The following GPC6 variants were observed in gnomAD, a reference collection of about 807,000 sequenced individuals.
The protein encoded by GPC6 is glypican-6.
A neutral mutation model predicts 55.2 loss-of-function variants in GPC6; 14 were observed. That is an observed-to-expected ratio of 0.25 (90% confidence interval 0.17 to 0.40). The LOEUF (loss-of-function observed/expected upper bound fraction) is 0.40, where lower values mean the gene tolerates loss of function less well. Among genes scored for constraint, GPC6 ranks in the 10% least tolerant of loss-of-function variants. The pLI is 1.00. For synonymous variants in GPC6, 278 were observed against 259.6 expected (o/e 1.07, Z -0.68); for missense variants, 641 against 708.5 (o/e 0.90, Z 1.08).
intron 5 of GPC6, among the ~76,000 whole-genome samples, chr13:94,299,050 T>C (rs906731423): frequency 6.6e-6 from 1 of 152,184 alleles, no homozygotes; most frequent in African/African-American, 2.4e-5. Flanking sequence ...TAATCTTTCA[T>C]TCTCAATTTT....
chr13:93,302,293 G>A (rs920491170), intron 1 of GPC6, among the ~76,000 whole-genome samples: 1 of 152,110 alleles, frequency 6.6e-6, no homozygotes, highest in Non-Finnish European at 1.5e-5. Context: ...TCTTTAATTT[G>A]CACTGGTAAA....
rs1566631897 is a variant in GPC6, at chr13:93,979,284, TGTGTGTG to T, written c.712-48444_712-48438del. The stretch of plus-strand genomic sequence containing the variant: ...GGACAGCACAAAGACACTTCTTTTG[TGTGTGTG>T]TGTGTGTGTGTGTGTGTGTGTGTGT... On this transcript the variant is annotated intron_variant, in intron 3 of 8. Coordinates refer to ENST00000377047, the MANE Select transcript of GPC6 (RefSeq NM_005708.5). Among the ~76,000 whole-genome samples the T allele has an allele frequency of 6.3e-3, 347 of 54,796 alleles. 3 individuals are homozygous for T. Among genetic ancestry groups the T allele is most frequent in the African/African-American group, 0.02 (340 of 16,616 alleles). The allele number at this position is 54,796 out of a possible 152,430, so 35.9% of individuals were successfully genotyped here.
intron 3 of GPC6, among the ~76,000 whole-genome samples, chr13:93,984,221 G>A (rs1880925159): frequency 6.6e-6 from 1 of 151,938 alleles, no homozygotes; most frequent in East Asian, 1.9e-4. Flanking sequence ...TCATCACAGG[G>A]CTCTGAAAGC....
At chr13:93,575,792 T>A (rs1289160940) in intron 2 of GPC6, among the ~76,000 whole-genome samples, 1 of 152,206 alleles carries the variant, frequency 6.6e-6, no homozygotes, top group Non-Finnish European at 1.5e-5. Flanking sequence ...GAATAAAATT[T>A]AAAAATCAAT....
At chr13:93,514,708 G>A (rs1041727145) in intron 1 of GPC6, among the ~76,000 whole-genome samples, 1 of 152,140 alleles carries the variant, frequency 6.6e-6, no homozygotes, top group South Asian at 2.1e-4. Flanking sequence ...GAAATGAACT[G>A]TCTCGTTTCC....
intron 3 of GPC6, among the ~76,000 whole-genome samples, chr13:93,956,038 C>G (rs1343357338): frequency 3.3e-5 from 5 of 152,130 alleles, no homozygotes; most frequent in African/African-American, 1.2e-4. Context: ...TAGAGCCACT[C>G]CTGTCTCATC....
chr13:93,884,927 A>G (rs1875230830), intron 3 of GPC6, among the ~76,000 whole-genome samples: 1 of 151,994 alleles, frequency 6.6e-6, no homozygotes, highest in Non-Finnish European at 1.5e-5. Context: ...TGCTTTCCAT[A>G]CCTTATCACT....
intron 1 of GPC6, among the ~76,000 whole-genome samples, chr13:93,465,779 T>C (rs1432916094): frequency 6.6e-6 from 1 of 152,238 alleles, no homozygotes; most frequent in East Asian, 1.9e-4. Flanking sequence ...ACAAGAGGCC[T>C]AGCCTTTTGG....
chr13:94,392,490 C>T (rs1227033819), intron 7 of GPC6, among the ~76,000 whole-genome samples: 5 of 142,972 alleles, frequency 3.5e-5, no homozygotes, highest in South Asian at 2.2e-4. Context: ...GTGCAATGGC[C>T]GTGATCTCAG....
chr13:94,104,000 G>A (rs1405063812), intron 4 of GPC6, among the ~76,000 whole-genome samples: 6 of 152,126 alleles, frequency 3.9e-5, no homozygotes, highest in African/African-American at 2.4e-5. Context: ...TTTCTTCTAG[G>A]CTTTTTATGG....
At chr13:93,770,940 A>G (rs1885269973) in intron 2 of GPC6, among the ~76,000 whole-genome samples, 1 of 151,986 alleles carries the variant, frequency 6.6e-6, no homozygotes. Context: ...GAAATCATAA[A>G]ACGTAACGTA....
intron 4 of GPC6, among the ~76,000 whole-genome samples, chr13:94,189,964 T>A (rs1341430901): frequency 1.4e-5 from 2 of 145,788 alleles, no homozygotes; most frequent in Admixed American, 1.4e-4. Context: ...GAGCTTGCAG[T>A]GATCCGAGAT....
chr13:93,735,602 C>A (rs1883972321), intron 2 of GPC6, among the ~76,000 whole-genome samples: 1 of 152,044 alleles, frequency 6.6e-6, no homozygotes, highest in Admixed American at 6.6e-5. Flanking sequence ...TTTGATCAAT[C>A]TTTGCCAGGT....
intron 4 of GPC6, among the ~76,000 whole-genome samples, chr13:94,267,739 G>A (rs148878771): frequency 1.3e-5 from 2 of 152,254 alleles, no homozygotes; most frequent in East Asian, 1.9e-4. Context: ...TGATGAGTGA[G>A]GCAATTTTGT....
chr13:93,715,643 T>G (rs1883225002), intron 2 of GPC6, among the ~76,000 whole-genome samples: 1 of 151,612 alleles, frequency 6.6e-6, no homozygotes, highest in Non-Finnish European at 1.5e-5. Flanking sequence ...CAGAGAAAGA[T>G]ATCAGTTTCA....
At chr13:93,908,441 A>T (rs1337935348) in intron 3 of GPC6, among the ~76,000 whole-genome samples, 1 of 152,186 alleles carries the variant, frequency 6.6e-6, no homozygotes, top group East Asian at 1.9e-4. Context: ...TTCCCAGATG[A>T]TTTGGTAAAT....
intron 5 of GPC6, among the ~76,000 whole-genome samples, chr13:94,297,463 C>A (rs1875407481): frequency 6.6e-6 from 1 of 152,148 alleles, no homozygotes; most frequent in African/African-American, 2.4e-5. Flanking sequence ...TCTCCACACT[C>A]AAAAATTTGC....
At chr13:93,826,499 A>G (rs943274881) in intron 2 of GPC6, among the ~76,000 whole-genome samples, 13 of 152,282 alleles carry the variant, frequency 8.5e-5, no homozygotes, top group Admixed American at 3.3e-4. Flanking sequence ...CAAGTTTTTA[A>G]TAGGAAATGT....
intron 2 of GPC6, among the ~76,000 whole-genome samples, chr13:93,646,525 C>T (rs9516264): frequency 0.24 from 36,973 of 151,874 alleles, 5,436 homozygotes; most frequent in East Asian, 0.46. Context: ...AGAATGTAGA[C>T]GAGAAAGTAA....
Sources: gnomAD v4.1 joint callset for allele counts (sites outside exome capture counted in the v4.1 genomes callset) on GRCh38, gnomAD v4.1.1 for gene constraint, MANE v1.5 for transcripts, NCBI Gene and HGNC (gene_info 2026-07-23, HGNC 2026-07-21) for gene names.